Variants in OR10C1 observed in about 807,000 individuals in gnomAD.
OR10C1 encodes the protein olfactory receptor 10C1.
For missense variants in OR10C1, 388 were observed against 392.1 expected, an observed-to-expected ratio of 0.99 and a Z score of 0.09; for synonymous variants, 183 against 174.4, an observed-to-expected ratio of 1.05 and a Z score of -0.39.
chr6:29,440,575 T>C lies in OR10C1; in HGVS notation c.560T>C (p.Val187Ala). The C allele has an allele frequency of 5.0e-6, 8 of 1,613,840 alleles. No individual in the cohort carries two copies. The highest frequency in any genetic ancestry group is 6.8e-6 in the Non-Finnish European group (8 of 1,179,916). Residue 187 changes from valine (V) to alanine (A), a missense_variant, in exon 1 of 1, where the codon GTA (valine) becomes GCA (alanine). Val to Ala is a moderately conservative substitution (Grantham distance 64). Coordinates refer to ENST00000444197, the MANE Select transcript of OR10C1 (RefSeq NM_013941.4). ...GAGATCCAGCCTGTCCTGCAGCTGG[T>C]ATGTGGAGACACCTCGCTTAATGAA... ...FCEIQPVLQLVCGDTSLNELQ... is the reference protein window; with the variant it reads ...FCEIQPVLQLACGDTSLNELQ...
In OR10C1 at chr6:29,439,960, GT is replaced by G; in HGVS notation, c.-54del. The G allele has an allele frequency of 7.2e-7, 1 of 1,392,392 alleles. No homozygotes were observed. The highest frequency in any genetic ancestry group is 1.8e-5 in the Admixed American group (1 of 56,172). 86.3% of individuals were successfully genotyped at this position (1,392,392 alleles called of 1,614,324 possible). ...TCTTTGCCCATTTCACGATTCCATA[GT>G]TGTGATTTTTCCTTGCCATTTCTTT... On this transcript the variant is annotated 5_prime_UTR_variant, in exon 1 of 1. Coordinates refer to ENST00000444197, the MANE Select transcript of OR10C1 (RefSeq NM_013941.4).
Position 29,440,452 on chromosome 6 carries a change from C to T in OR10C1, c.437C>T (p.Ser146Leu). Residue 146 changes from serine (S) to leucine (L), a missense_variant, in exon 1 of 1, where the codon TCG becomes TTG. Coordinates refer to ENST00000444197, the MANE Select transcript of OR10C1 (RefSeq NM_013941.4). ...SHRVCLQLAG[S>L]AWACGVLVGL... ...CGGGTGTGTCTACAGCTAGCTGGGT[C>T]GGCGTGGGCCTGTGGGGTGCTGGTG... 1.2e-6 allele frequency: 2 copies of T among 1,614,010 alleles called. No homozygotes were observed. The highest frequency in any genetic ancestry group is 2.2e-5 in the South Asian group (2 of 91,076).
Position 29,440,293 on chromosome 6 carries a change from G to A in OR10C1, c.278G>A (p.Arg93His), listed in dbSNP as rs1324923117. The A allele has an allele frequency of 4.3e-6, 7 of 1,613,990 alleles. No individual in the cohort carries two copies. Among genetic ancestry groups the A allele is most frequent in the South Asian group, 1.1e-5 (1 of 91,078 alleles). ...HLLTGRRHIS[R>H]SGCALQMFFF... ...CTTACTGGCCGGCGCCACATCTCTC[G>A]CTCTGGATGTGCTCTCCAGATGTTC... The change falls in exon 1 of 1, where the codon CGC (arginine) becomes CAC (histidine). Residue 93 changes from arginine to histidine, a missense_variant. By Grantham distance (29) the Arg-to-His change is conservative. Transcript: ENST00000444197.
chr6:29,440,871 C>G lies in OR10C1; in HGVS notation c.856C>G (p.Pro286Ala). 1 of 1,613,926 alleles carries G rather than the reference C, an allele frequency of 6.2e-7. No homozygotes were observed. The highest frequency in any genetic ancestry group is 1.1e-5 in the South Asian group (1 of 91,088). ...TGCTGTGGTCACCCCCATCCTCAAC[C>G]CCATCATCTACAGCCTGCGGAACAC... ...FYAVVTPILN[P>A]IIYSLRNTEV... Residue 286 changes from proline (P) to alanine (A), a missense_variant, in exon 1 of 1, where the codon CCC becomes GCC. By Grantham distance (27) the Pro-to-Ala change is conservative. Coordinates refer to ENST00000444197, the MANE Select transcript of OR10C1 (RefSeq NM_013941.4).
In OR10C1 at chr6:29,440,749, T is replaced by C. The variant is rs1279901896; in HGVS notation, c.734T>C (p.Ile245Thr). ...TTCTCCACCTGCTCCTCCCACCTGA[T>C]CATGGTCTCCCTCTTCTATGGCACC... Reference protein sequence around the residue: ...KAFSTCSSHLIMVSLFYGTAL... With the variant: ...KAFSTCSSHLTMVSLFYGTAL... The change falls in exon 1 of 1, where the codon ATC becomes ACC. Residue 245 changes from isoleucine (I) to threonine (T), a missense_variant. By Grantham distance (89) the Ile-to-Thr change is moderately conservative. Coordinates refer to ENST00000444197, the MANE Select transcript of OR10C1 (RefSeq NM_013941.4). 7.4e-6 allele frequency: 12 copies of C among 1,613,944 alleles called. No individual in the cohort carries two copies. The highest frequency in any genetic ancestry group is 1.7e-5 in the Admixed American group (1 of 60,002).
In OR10C1 at chr6:29,440,145, A is replaced by G; in HGVS notation, c.130A>G (p.Ile44Val). Residue 44 changes from isoleucine (I) to valine (V), a missense_variant, in exon 1 of 1, where the codon ATT (isoleucine) becomes GTT (valine). Transcript: ENST00000444197. ...YLLTVAGNFL[I>V]VVLVSTDAAL... is the part of the protein sequence containing the mutation. ...GCTGACCGTGGCAGGCAATTTCCTC[A>G]TTGTGGTGCTGGTCTCCACTGATGC... is the stretch of plus-strand genomic sequence containing the variant. The G allele has an allele frequency of 1.2e-6, 2 of 1,613,286 alleles. No individual in the cohort carries two copies. Among genetic ancestry groups the G allele is most frequent in the Non-Finnish European group, 1.7e-6 (2 of 1,179,968 alleles).
In OR10C1 at chr6:29,440,276, C is replaced by G; in HGVS notation, c.261C>G (p.Gly87=). ...VPLLLHHLLT[G]RRHISRSGCA... is the part of the protein sequence containing the mutation. ...TGCTACTTCACCACCTCCTTACTGG[C>G]CGGCGCCACATCTCTCGCTCTGGAT... The change falls in exon 1 of 1, where the codon GGC becomes GGG. Residue 87 remains glycine (G), a synonymous_variant. Transcript: ENST00000444197. 1 of 1,614,026 alleles carries G rather than the reference C, an allele frequency of 6.2e-7. No individual in the cohort carries two copies.
chr6:29,440,649 C>G lies in OR10C1; in HGVS notation c.634C>G (p.Leu212Val), dbSNP rs372158954. 1 of 1,614,154 alleles carries G rather than the reference C, an allele frequency of 6.2e-7. No individual in the cohort carries two copies. The highest frequency in any genetic ancestry group is 8.5e-7 in the Non-Finnish European group (1 of 1,180,026). ...TALLILCPFG[L>V]ILGSYGRILV... ...CCTCCTCATCCTCTGCCCCTTTGGC[C>G]TCATCCTGGGCTCCTACGGGCGTAT... The change falls in exon 1 of 1, where the codon CTC becomes GTC. Residue 212 changes from leucine (L) to valine (V), a missense_variant. Coordinates refer to ENST00000444197, the MANE Select transcript of OR10C1 (RefSeq NM_013941.4).
rs767613736 is a variant in OR10C1 at position 29,440,744 on chromosome 6, C to A, written c.729C>A (p.His243Gln). 1 of 1,614,072 alleles carries A rather than the reference C, an allele frequency of 6.2e-7. No individual in the cohort carries two copies. The highest frequency in any genetic ancestry group is 1.1e-5 in the South Asian group (1 of 91,086). ...RRKAFSTCSS[H>Q]LIMVSLFYGT... ...AGGCCTTCTCCACCTGCTCCTCCCACCTGATCATGGTCTCCCTCTTCTATG... is the reference window on the plus strand; with the variant it reads ...AGGCCTTCTCCACCTGCTCCTCCCAACTGATCATGGTCTCCCTCTTCTATG... Residue 243 changes from histidine to glutamine, a missense_variant, in exon 1 of 1, where the codon CAC becomes CAA. By Grantham distance (24) the His-to-Gln change is conservative (BLOSUM62 0). Coordinates refer to ENST00000444197, the MANE Select transcript of OR10C1 (RefSeq NM_013941.4).
Position 29,439,913 on chromosome 6 carries a change from G to C in OR10C1, c.-103G>C. 1.2e-6 allele frequency: 1 copy of C among 824,446 alleles called. No homozygotes were observed. The highest frequency in any genetic ancestry group is 2.0e-6 in the Non-Finnish European group (1 of 509,378). 51.1% of individuals were successfully genotyped at this position (824,446 alleles called of 1,614,324 possible). On this transcript the variant is annotated 5_prime_UTR_variant, in exon 1 of 1. Coordinates refer to ENST00000444197, the MANE Select transcript of OR10C1 (RefSeq NM_013941.4). ...AATAGAAAGGGAGATCTAGTGCTGC[G>C]ATCAGATGCAGAGAGAGGTCATCTT...
Position 29,440,091 on chromosome 6 carries a change from C to T in OR10C1, c.76C>T (p.Leu26Phe). ...CCACCTGGCCGACCTCCAGGGCTTG[C>T]TCTTCTCTGTCTTTCTCACTATCTA... ...FSHLADLQGLLFSVFLTIYLL... is the reference protein window; with the variant it reads ...FSHLADLQGLFFSVFLTIYLL... The change falls in exon 1 of 1, where the codon CTC becomes TTC. Residue 26 changes from leucine to phenylalanine, a missense_variant. By Grantham distance (22) the Leu-to-Phe change is conservative. Coordinates refer to ENST00000444197, the MANE Select transcript of OR10C1 (RefSeq NM_013941.4). The T allele has an allele frequency of 1.2e-6, 2 of 1,613,258 alleles. No individual in the cohort carries two copies. Among genetic ancestry groups the T allele is most frequent in the Non-Finnish European group, 1.7e-6 (2 of 1,180,018 alleles).
Position 29,440,053 on chromosome 6 carries a change from T to C in OR10C1, c.38T>C (p.Leu13Pro), listed in dbSNP as rs949896037. Reference sequence around the variant, plus strand: ...ACCTCCATGGTGACTGAGTTTCTTCTTCTCGGCTTCTCCCACCTGGCCGAC... The same window carrying C: ...ACCTCCATGGTGACTGAGTTTCTTCCTCTCGGCTTCTCCCACCTGGCCGAC... ...ANTSMVTEFL[L>P]LGFSHLADLQ... is the part of the protein sequence containing the mutation. Residue 13 changes from leucine to proline, a missense_variant, in exon 1 of 1, where the codon CTT (leucine) becomes CCT (proline). Transcript: ENST00000444197. 2 of 1,613,214 alleles carry C rather than the reference T, an allele frequency of 1.2e-6. No homozygotes were observed. Among genetic ancestry groups the C allele is most frequent in the Non-Finnish European group, 1.7e-6 (2 of 1,180,012 alleles).
chr6:29,440,282 C>T lies in OR10C1; in HGVS notation c.267C>T (p.Arg89=). The T allele has an allele frequency of 6.2e-7, 1 of 1,614,062 alleles. No individual in the cohort carries two copies. Among genetic ancestry groups the T allele is most frequent in the Non-Finnish European group, 8.5e-7 (1 of 1,180,040 alleles). ...LLLHHLLTGR[R]HISRSGCALQ... ...TTCACCACCTCCTTACTGGCCGGCG[C>T]CACATCTCTCGCTCTGGATGTGCTC... Residue 89 remains arginine (R), a synonymous_variant, in exon 1 of 1, where the codon CGC becomes CGT. Transcript: ENST00000444197.
At position 29,439,970 on chromosome 6, in the gene OR10C1, T is replaced by C. The variant is rs1327042011; in HGVS notation, c.-46T>C. 3 of 1,502,178 alleles carry C rather than the reference T, an allele frequency of 2.0e-6. No homozygotes were observed. The highest frequency in any genetic ancestry group is 2.7e-6 in the Non-Finnish European group (3 of 1,091,966). The allele number at this position is 1,502,178 out of a possible 1,614,324, so 93.1% of individuals were successfully genotyped here. On this transcript the variant is annotated 5_prime_UTR_variant, in exon 1 of 1. Transcript: ENST00000444197. Reference sequence around the variant, plus strand: ...TTTCACGATTCCATAGTTGTGATTTTTCCTTGCCATTTCTTTTGTCTTCCA... The same window carrying C: ...TTTCACGATTCCATAGTTGTGATTTCTCCTTGCCATTTCTTTTGTCTTCCA...
In OR10C1 at chr6:29,439,995, A is replaced by G. The variant is rs1474340219; in HGVS notation, c.-21A>G. 1.3e-6 allele frequency: 2 copies of G among 1,592,646 alleles called. No homozygotes were observed. Among genetic ancestry groups the G allele is most frequent in the Non-Finnish European group, 1.7e-6 (2 of 1,165,738 alleles). ...TTCCTTGCCATTTCTTTTGTCTTCC[A>G]GTCAAAGGTATGCAGGCAGGATGAG... On this transcript the variant is annotated 5_prime_UTR_variant, in exon 1 of 1. Transcript: ENST00000444197.
In OR10C1 at chr6:29,440,859, C is replaced by A; in HGVS notation, c.844C>A (p.Pro282Thr). 2 of 1,613,860 alleles carry A rather than the reference C, an allele frequency of 1.2e-6. No individual in the cohort carries two copies. Among genetic ancestry groups the A allele is most frequent in the South Asian group, 1.1e-5 (1 of 91,080 alleles). Residue 282 changes from proline to threonine, a missense_variant, in exon 1 of 1, where the codon CCC becomes ACC. Transcript: ENST00000444197. ...GTCCCTCTTCTATGCTGTGGTCACCCCCATCCTCAACCCCATCATCTACAG... is the reference window on the plus strand; with the variant it reads ...GTCCCTCTTCTATGCTGTGGTCACCACCATCCTCAACCCCATCATCTACAG... The part of the protein sequence containing the change: ...LVSLFYAVVT[P>T]ILNPIIYSLR...
Position 29,440,577 on chromosome 6 carries a change from T to A in OR10C1, c.562T>A (p.Cys188Ser), listed in dbSNP as rs1185054617. ...CEIQPVLQLV[C>S]GDTSLNELQI... ...GATCCAGCCTGTCCTGCAGCTGGTA[T>A]GTGGAGACACCTCGCTTAATGAACT... The change falls in exon 1 of 1, where the codon TGT (cysteine) becomes AGT (serine). Residue 188 changes from cysteine to serine, a missense_variant. By Grantham distance (112) the Cys-to-Ser change is moderately radical. Transcript: ENST00000444197. 6.2e-7 allele frequency: 1 copy of A among 1,613,936 alleles called. No individual in the cohort carries two copies. Among genetic ancestry groups the A allele is most frequent in the South Asian group, 1.1e-5 (1 of 91,092 alleles).
chr6:29,440,747 G>A lies in OR10C1; in HGVS notation c.732G>A (p.Leu244=). 6.2e-7 allele frequency: 1 copy of A among 1,614,050 alleles called. No homozygotes were observed. Among genetic ancestry groups the A allele is most frequent in the Non-Finnish European group, 8.5e-7 (1 of 1,179,950 alleles). ...RKAFSTCSSH[L]IMVSLFYGTA... ...CCTTCTCCACCTGCTCCTCCCACCT[G>A]ATCATGGTCTCCCTCTTCTATGGCA... Residue 244 remains leucine (L), a synonymous_variant, in exon 1 of 1, where the codon CTG becomes CTA. Transcript: ENST00000444197.
chr6:29,440,761 T>A lies in OR10C1; in HGVS notation c.746T>A (p.Leu249His), dbSNP rs1272427363. 1 of 1,613,930 alleles carries A rather than the reference T, an allele frequency of 6.2e-7. No individual in the cohort carries two copies. Among genetic ancestry groups the A allele is most frequent in the Admixed American group, 1.7e-5 (1 of 60,024 alleles). Reference protein sequence around the residue: ...TCSSHLIMVSLFYGTALFIYI... With the variant: ...TCSSHLIMVSHFYGTALFIYI... ...TCCTCCCACCTGATCATGGTCTCCC[T>A]CTTCTATGGCACCGCACTCTTTATC... Residue 249 changes from leucine (L) to histidine (H), a missense_variant, in exon 1 of 1, where the codon CTC (leucine) becomes CAC (histidine). Physicochemically the swap from Leu to His is moderately conservative, Grantham distance 99. Coordinates refer to ENST00000444197, the MANE Select transcript of OR10C1 (RefSeq NM_013941.4).
Sources: gnomAD v4.1 joint callset for allele counts on GRCh38, gnomAD v4.1.1 for gene constraint, MANE v1.5 for transcripts, NCBI Gene and HGNC (gene_info 2026-07-23, HGNC 2026-07-21) for gene names.